TIMP2: variants seen among roughly 807,000 people sequenced by gnomAD.
The protein encoded by TIMP2 is TIMP metallopeptidase inhibitor 2.
In TIMP2, 5 loss-of-function variants were observed where a neutral mutation model predicts 24.3. The ratio of observed to expected loss-of-function variants is 0.21; its 90% CI spans 0.11 to 0.43. The LOEUF (loss-of-function observed/expected upper bound fraction) is 0.43, where lower values mean the gene tolerates loss of function less well. Ranked by LOEUF, TIMP2 falls within the 20% of genes least tolerant of loss-of-function variation. The pLI is 1.00. For synonymous variants in TIMP2, 130 were observed against 123.2 expected (o/e 1.06, Z -0.37); for missense variants, 221 against 297.5 (o/e 0.74, Z 1.89).
At chr17:78,889,820 G>A (rs1268565588) in intron 1 of TIMP2, among the ~76,000 whole-genome samples, 4 of 152,188 alleles carry the variant, frequency 2.6e-5, no homozygotes, top group Non-Finnish European at 4.4e-5. Context: ...AAGGGACTTC[G>A]TTTTAAAGGC....
chr17:78,883,121 C>T (rs1567996984), intron 1 of TIMP2, among the ~76,000 whole-genome samples: 1 of 152,202 alleles, frequency 6.6e-6, no homozygotes, highest in African/African-American at 2.4e-5. Context: ...GCCAGACCCA[C>T]CCTCAGGTCC....
chr17:78,924,944 G>A lies in TIMP2; in HGVS notation c.130+15C>T. The A allele has an allele frequency of 8.0e-7, 1 of 1,252,122 alleles. No individual in the cohort carries two copies. Among genetic ancestry groups the A allele is most frequent in the Non-Finnish European group, 1.0e-6 (1 of 988,088 alleles). The allele number at this position is 1,252,122 out of a possible 1,614,324, so 77.6% of individuals were successfully genotyped here. On this transcript the variant is annotated intron_variant, in intron 1 of 4. Coordinates refer to ENST00000262768, the MANE Select transcript of TIMP2 (RefSeq NM_003255.5). This position sits in a 1 kb window ranked among gnomAD's most constrained non-coding sequence, Gnocchi z 5.3. ...GGTGGGGCCCCGCGCGGGGGCTGGG[G>A]TCGCCGCTCCTTACCTACATCTGCA...
chr17:78,899,661 G>A (rs974028449), intron 1 of TIMP2: 1 of 152,248 alleles, frequency 6.6e-6, no homozygotes, highest in African/African-American at 2.4e-5. Context: ...AGACAGGGGT[G>A]GTAGAGCTCC....
chr17:78,886,117 G>C (rs1461180145), intron 1 of TIMP2, among the ~76,000 whole-genome samples: 1 of 152,164 alleles, frequency 6.6e-6, no homozygotes, highest in Non-Finnish European at 1.5e-5. Flanking sequence ...GGTGGGAAAG[G>C]GCCGGGTGTC....
chr17:78,885,254 G>A (rs944741335), intron 1 of TIMP2, among the ~76,000 whole-genome samples: 1 of 152,234 alleles, frequency 6.6e-6, no homozygotes, highest in Non-Finnish European at 1.5e-5. Flanking sequence ...GCAGAGTGAG[G>A]CGCGAACACG....
chr17:78,914,043 A>G (rs1283983988), intron 1 of TIMP2, among the ~76,000 whole-genome samples: 1 of 152,110 alleles, frequency 6.6e-6, no homozygotes, highest in African/African-American at 2.4e-5. Flanking sequence ...GAATGGAGAG[A>G]CAGAGAAGTT....
chr17:78,857,331 G>A (rs2145744020), intron 4 of TIMP2, 191 bp downstream of exon 4: 1 of 724,718 alleles, frequency 1.4e-6, no homozygotes, highest in East Asian at 2.8e-5. Flanking sequence ...GCTCTCCAGG[G>A]ACCAGGGGTC....
chr17:78,912,010 G>C (rs1568007658), intron 1 of TIMP2, among the ~76,000 whole-genome samples: 1 of 151,460 alleles, frequency 6.6e-6, no homozygotes, highest in Admixed American at 6.6e-5. Context: ...GATGCAGTGA[G>C]CCAAGATTGT....
intron 3 of TIMP2, among the ~76,000 whole-genome samples, chr17:78,865,230 C>G (rs55795706): frequency 0.72 from 108,791 of 151,922 alleles, 40,002 homozygotes; most frequent in Non-Finnish European, 0.8. Flanking sequence ...GCTGGGCAAA[C>G]AGAGGAACAG....
intron 1 of TIMP2, among the ~76,000 whole-genome samples, chr17:78,914,066 G>A (rs1243117282): frequency 6.6e-6 from 1 of 152,096 alleles, no homozygotes; most frequent in South Asian, 2.1e-4. Flanking sequence ...CTTTATGATG[G>A]AGAGAGGCGG....
intron 3 of TIMP2, among the ~76,000 whole-genome samples, chr17:78,859,630 C>A (rs1175586465): frequency 6.6e-6 from 1 of 150,628 alleles, no homozygotes; most frequent in Non-Finnish European, 1.5e-5. Flanking sequence ...AAACTGCACT[C>A]CAGCCTGGGC....
At chr17:78,885,047 C>A (rs1189525448) in intron 1 of TIMP2, among the ~76,000 whole-genome samples, 3 of 152,228 alleles carry the variant, frequency 2.0e-5, no homozygotes, top group African/African-American at 7.2e-5. Flanking sequence ...GCTGGCCCCC[C>A]TCAGCCCATG....
intron 2 of TIMP2, among the ~76,000 whole-genome samples, chr17:78,873,245 T>C (rs767089628): frequency 2.8e-4 from 43 of 151,790 alleles, no homozygotes; most frequent in Non-Finnish European, 1.2e-4. Flanking sequence ...TCAATGACAA[T>C]AGCATCACCT....
At chr17:78,894,216 G>A (rs1369295368) in intron 1 of TIMP2, among the ~76,000 whole-genome samples, 4 of 152,032 alleles carry the variant, frequency 2.6e-5, no homozygotes, top group African/African-American at 7.2e-5. Context: ...CACAGACAGG[G>A]AAACTGAGGC....
rs1245444696 is a variant in TIMP2, at chr17:78,920,883, A to G, written c.130+4076T>C. 6.6e-6 allele frequency among the ~76,000 whole-genome samples: 1 copy of G among 152,014 alleles called. No individual in the cohort carries two copies. Among genetic ancestry groups the G allele is most frequent in the Non-Finnish European group, 1.5e-5 (1 of 67,996 alleles). Reference sequence around the variant, plus strand: ...TACCACCCCCTGCATCCCCCACCACAGGGACAATGTCTTGCTTCTCCCTTA... The same window carrying G: ...TACCACCCCCTGCATCCCCCACCACGGGGACAATGTCTTGCTTCTCCCTTA... On this transcript the variant is annotated intron_variant, in intron 1 of 4. Transcript: ENST00000262768. The surrounding 1 kb of genome is among the most constrained non-coding windows in gnomAD (Gnocchi z 4.5).
intron 1 of TIMP2, among the ~76,000 whole-genome samples, chr17:78,916,196 G>A (rs2145795130): frequency 6.6e-6 from 1 of 152,202 alleles, no homozygotes; most frequent in African/African-American, 2.4e-5. Flanking sequence ...CTCCTTTTTG[G>A]AGGTGTGGAA....
chr17:78,876,872 G>C (rs1322233831), intron 1 of TIMP2, among the ~76,000 whole-genome samples: 2 of 150,608 alleles, frequency 1.3e-5, no homozygotes, highest in Non-Finnish European at 3.0e-5. Flanking sequence ...TCCCCTCTCT[G>C]CCTGGAGAAC....
At chr17:78,912,316 C>T (rs750335789) in intron 1 of TIMP2, among the ~76,000 whole-genome samples, 6 of 152,198 alleles carry the variant, frequency 3.9e-5, no homozygotes, top group East Asian at 1.9e-4. Flanking sequence ...GCTACCATGA[C>T]GAGCCTTGGC....
intron 3 of TIMP2, among the ~76,000 whole-genome samples, chr17:78,869,405 A>G (rs9890955): frequency 0.14 from 17,129 of 124,572 alleles, 1,103 homozygotes; most frequent in South Asian, 0.26. Context: ...ACAGAGCAAG[A>G]CTTTGTCTCA....
Sources: allele counts gnomAD v4.1 joint callset (sites outside exome capture counted in the v4.1 genomes callset), GRCh38; gene constraint gnomAD v4.1.1; non-coding constraint Gnocchi (gnomAD v3.1); transcripts MANE v1.5; gene names NCBI Gene and HGNC (gene_info 2026-07-23, HGNC 2026-07-21).